The following ADGRG7 variants were observed in gnomAD, a reference collection of about 807,000 sequenced individuals.
ADGRG7 encodes the protein adhesion G protein-coupled receptor G7.
ADGRG7 carries 82 observed loss-of-function variants against 88.6 expected under a neutral mutation model. The observed-to-expected ratio is 0.93, with a 90% CI of 0.77 to 1.11. The LOEUF is 1.11. Among genes scored for constraint, ADGRG7 ranks in the 50% most tolerant of loss-of-function variants. The pLI is 0.00. For synonymous variants in ADGRG7, 381 were observed against 345.2 expected, an observed-to-expected ratio of 1.10 and a Z score of -1.15; for missense variants, 945 against 953.4, an observed-to-expected ratio of 0.99 and a Z score of 0.12.
At chr3:100,641,586 T>A (rs1481131375) in intron 6 of ADGRG7, among the ~76,000 whole-genome samples, 1 of 151,478 alleles carries the variant, frequency 6.6e-6, no homozygotes, top group Non-Finnish European at 1.5e-5. Flanking sequence ...TATAATCTAA[T>A]AAGCAGAAGT....
intron 1 of ADGRG7, among the ~76,000 whole-genome samples, chr3:100,620,905 A>G (rs932764962): frequency 1.3e-5 from 2 of 151,986 alleles, no homozygotes; most frequent in African/African-American, 2.4e-5. Context: ...CATTTTTCCA[A>G]TAACATGTGC....
At chr3:100,691,219 G>C (rs1017613737) in intron 15 of ADGRG7, among the ~76,000 whole-genome samples, 1 of 152,192 alleles carries the variant, frequency 6.6e-6, no homozygotes, top group African/African-American at 2.4e-5. Flanking sequence ...GGAAAAGTGC[G>C]GTATTAGGGT....
intron 14 of ADGRG7, among the ~76,000 whole-genome samples, chr3:100,668,269 G>A (rs900798510): frequency 3.3e-5 from 5 of 152,182 alleles, no homozygotes; most frequent in Non-Finnish European, 7.3e-5. Context: ...CATGTCTGGT[G>A]GTTGGTGTTT....
At chr3:100,689,194 T>C (rs916009854) in intron 15 of ADGRG7, among the ~76,000 whole-genome samples, 1 of 152,236 alleles carries the variant, frequency 6.6e-6, no homozygotes, top group East Asian at 1.9e-4. Context: ...AGACTAGGAT[T>C]GCAACCCCTG....
chr3:100,611,316 C>T lies in ADGRG7; in HGVS notation c.115+1345C>T, dbSNP rs368309357. ...CCTTCCTTCCTTTCTTCTTTCCTTC[C>T]TTCCTTCCTTCCTCCCTTCCTTCCC... On this transcript the variant is annotated intron_variant, in intron 1 of 15. Coordinates refer to ENST00000273352, the MANE Select transcript of ADGRG7 (RefSeq NM_032787.3). 3.5e-3 allele frequency among the ~76,000 whole-genome samples: 350 copies of T among 99,546 alleles called. 9 individuals are homozygous for T. The highest frequency in any genetic ancestry group is 0.03 in the Admixed American group (269 of 9,104). 65.3% of individuals were successfully genotyped at this position (99,546 alleles called of 152,430 possible).
intron 6 of ADGRG7, among the ~76,000 whole-genome samples, chr3:100,640,161 A>T (rs1707614822): frequency 6.6e-6 from 1 of 152,236 alleles, no homozygotes; most frequent in South Asian, 2.1e-4. Context: ...AGCTTCCAAC[A>T]GAGGTCATCT....
intron 15 of ADGRG7, among the ~76,000 whole-genome samples, chr3:100,685,744 T>G (rs2094981279): frequency 6.6e-6 from 1 of 152,156 alleles, no homozygotes; most frequent in South Asian, 2.1e-4. Flanking sequence ...ATGGTGTATA[T>G]GTGCCACATT....
intron 15 of ADGRG7, among the ~76,000 whole-genome samples, chr3:100,692,573 TG>T (rs935364747): frequency 2.6e-5 from 4 of 152,168 alleles, no homozygotes; most frequent in Admixed American, 6.5e-5. Flanking sequence ...AATTACAACA[TG>T]GTAAAATTGA....
intron 15 of ADGRG7, among the ~76,000 whole-genome samples, chr3:100,680,745 A>G (rs1459005330): frequency 1.3e-5 from 2 of 152,164 alleles, no homozygotes; most frequent in Non-Finnish European, 2.9e-5. Flanking sequence ...TCCTCTTGCC[A>G]TCCTCCGTTC....
intron 6 of ADGRG7, among the ~76,000 whole-genome samples, chr3:100,640,654 TG>T (rs1707626640): frequency 6.6e-6 from 1 of 152,134 alleles, no homozygotes; most frequent in Non-Finnish European, 1.5e-5. Context: ...CCCTAGTAGT[TG>T]GGATTACAGG....
chr3:100,654,643 G>A, intron 11 of ADGRG7, 192 bp from the exon 12 acceptor site: 1 of 505,672 alleles, frequency 2.0e-6, no homozygotes, highest in East Asian at 3.2e-5. Flanking sequence ...ATGACTTTGT[G>A]GAAATGATAA....
intron 15 of ADGRG7, 92 bp from the exon 16 acceptor site, chr3:100,694,652 T>G: frequency 8.4e-7 from 1 of 1,196,672 alleles, no homozygotes; most frequent in Non-Finnish European, 1.2e-6. Flanking sequence ...GCCGTGCAGA[T>G]GAGAAGGTTG....
intron 13 of ADGRG7, among the ~76,000 whole-genome samples, chr3:100,658,944 G>A (rs1172403935): frequency 6.6e-6 from 1 of 150,394 alleles, no homozygotes; most frequent in Admixed American, 6.6e-5. Flanking sequence ...TTTATTAAAT[G>A]AATTAATTAA....
At position 100,630,797 on chromosome 3, in the gene ADGRG7, G is replaced by A; in HGVS notation, c.322G>A (p.Asp108Asn). 1 of 1,476,104 alleles carries A rather than the reference G, an allele frequency of 6.8e-7. No individual in the cohort carries two copies. The highest frequency in any genetic ancestry group is 9.0e-7 in the Non-Finnish European group (1 of 1,113,132). The allele number at this position is 1,476,104 out of a possible 1,614,324, so 91.4% of individuals were successfully genotyped here. Residue 108 changes from aspartate to asparagine, a missense_variant, in exon 3 of 16, where the codon GAT becomes AAT. Asp to Asn is a conservative substitution (Grantham distance 23). Coordinates refer to ENST00000273352, the MANE Select transcript of ADGRG7 (RefSeq NM_032787.3). ...YGPSLQTCGK[D>N]TPNAGNPMAV... ...ACCATCCTTGCAAACATGTGGCAAG[G>A]ATACTCCAAATGGTATGTGTTTTCC...
chr3:100,620,696 A>T (rs376596408), intron 1 of ADGRG7, among the ~76,000 whole-genome samples: 3 of 152,334 alleles, frequency 2.0e-5, no homozygotes, highest in South Asian at 2.1e-4. Flanking sequence ...TCAGCTAAAC[A>T]CTGGAGAATC....
chr3:100,625,655 G>T (rs1707370849), intron 1 of ADGRG7, among the ~76,000 whole-genome samples: 1 of 152,114 alleles, frequency 6.6e-6, no homozygotes, highest in South Asian at 2.1e-4. Context: ...TACGATATTG[G>T]CTGTGGTTTT....
At chr3:100,680,980 T>G (rs569413896) in intron 15 of ADGRG7, among the ~76,000 whole-genome samples, 8 of 152,324 alleles carry the variant, frequency 5.3e-5, no homozygotes, top group Non-Finnish European at 1.0e-4. Flanking sequence ...GATGCTTTTA[T>G]TCCTTGAGTC....
intron 11 of ADGRG7, among the ~76,000 whole-genome samples, chr3:100,653,821 G>T (rs1004275541): frequency 2.0e-5 from 3 of 151,986 alleles, no homozygotes; most frequent in African/African-American, 7.2e-5. Context: ...AGGTGGCTGG[G>T]CTTTTTACAC....
At chr3:100,673,893 C>G (rs2094961728) in intron 15 of ADGRG7, among the ~76,000 whole-genome samples, 1 of 152,026 alleles carries the variant, frequency 6.6e-6, no homozygotes, top group East Asian at 1.9e-4. Context: ...TTAGTTATTT[C>G]TTGTCTTCTG....
Sources: allele counts gnomAD v4.1 joint callset (sites outside exome capture counted in the v4.1 genomes callset), GRCh38; gene constraint gnomAD v4.1.1; transcripts MANE v1.5; gene names NCBI Gene and HGNC (gene_info 2026-07-23, HGNC 2026-07-21).